The following CDK14 variants were observed in gnomAD, a reference collection of about 807,000 sequenced individuals.
The protein encoded by CDK14 is cyclin dependent kinase 14, also known as cyclin-dependent kinase 14.
Under a neutral mutation model 60.7 loss-of-function variants are expected in CDK14, and 34 were observed. The ratio of observed to expected loss-of-function variants is 0.56; its 90% CI spans 0.43 to 0.75. The LOEUF is 0.75. Among genes scored for constraint, CDK14 ranks in the 30% least tolerant of loss-of-function variants. The pLI, the probability that CDK14 is intolerant of heterozygous loss-of-function variation, is 0.00. For missense variants in CDK14, 482 were observed against 564.1 expected (o/e 0.85, Z 1.47); for synonymous variants, 197 against 203.7 (o/e 0.97, Z 0.28).
rs1160562922 is a variant in CDK14, at chr7:90,699,445, A to G, written c.124-27122A>G. ...TGCAGCAACCCTCTTAGGTATAGGA[A>G]CTATTCTAAGTATTCCCATAAGATT... On this transcript the variant is annotated intron_variant, in intron 2 of 14. Coordinates refer to ENST00000380050, the MANE Select transcript of CDK14 (RefSeq NM_001287135.2). 2.0e-5 allele frequency among the ~76,000 whole-genome samples: 3 copies of G among 152,214 alleles called. No homozygotes were observed. In the East Asian group the frequency reaches 5.8e-4, roughly 29 times the overall value.
At chr7:90,830,084 A>G (rs146507304) in intron 5 of CDK14, among the ~76,000 whole-genome samples, 144 of 152,244 alleles carry the variant, frequency 9.5e-4, no homozygotes, top group African/African-American at 3.2e-3. Flanking sequence ...TCACAGCTCC[A>G]CTAGGCAGTG....
intron 14 of CDK14, among the ~76,000 whole-genome samples, chr7:91,140,776 T>C (rs1800432295): frequency 6.6e-6 from 1 of 152,180 alleles, no homozygotes; most frequent in Non-Finnish European, 1.5e-5. Context: ...AGCACAATAC[T>C]TGCTTGCTCC....
intron 2 of CDK14, among the ~76,000 whole-genome samples, chr7:90,711,254 T>G (rs1802049075): frequency 6.6e-6 from 1 of 152,106 alleles, no homozygotes; most frequent in Admixed American, 6.5e-5. Context: ...CTTTAAATGG[T>G]GCAGTGCTTC....
chr7:91,067,514 C>T (rs1798014917), intron 11 of CDK14, among the ~76,000 whole-genome samples: 1 of 152,224 alleles, frequency 6.6e-6, no homozygotes, highest in African/African-American at 2.4e-5. Context: ...TGTATCCATA[C>T]TGTAGCATTT....
intron 12 of CDK14, among the ~76,000 whole-genome samples, chr7:91,084,295 A>C (rs892642580): frequency 6.6e-6 from 1 of 152,164 alleles, no homozygotes; most frequent in African/African-American, 2.4e-5. Context: ...GTCATTCCCC[A>C]TCTAGATTTC....
chr7:91,204,001 G>A (rs1172984071), intron 14 of CDK14, among the ~76,000 whole-genome samples: 2 of 152,278 alleles, frequency 1.3e-5, no homozygotes, highest in Admixed American at 1.3e-4. Context: ...ATTTTTGCTA[G>A]GGTGGTGACT....
chr7:90,750,200 A>C (rs371271420), intron 4 of CDK14, among the ~76,000 whole-genome samples: 2 of 87,552 alleles, frequency 2.3e-5, no homozygotes, highest in Admixed American at 1.1e-4. Flanking sequence ...ACACACACAC[A>C]CCAATAATAT....
chr7:90,879,971 G>A (rs1791692568), intron 6 of CDK14, among the ~76,000 whole-genome samples: 1 of 152,188 alleles, frequency 6.6e-6, no homozygotes, highest in South Asian at 2.1e-4. Context: ...CCACCAATCG[G>A]AAGATCCCAC....
At position 91,112,620 on chromosome 7, in the gene CDK14, G is replaced by C. The variant is rs747804971; in HGVS notation, c.1233G>C (p.Gln411His). The change falls in exon 13 of 15, where the codon CAG (glutamine) becomes CAC (histidine). Residue 411 changes from glutamine (Q) to histidine (H), a missense_variant. Transcript: ENST00000380050. The stretch of plus-strand genomic sequence containing the variant: ...CCCCAAAGAACAGACTGTCGGCACA[G>C]GCTGCCTTGAGCCACGAGTATTTTA... Reference protein sequence around the residue: ...QCSPKNRLSAQAALSHEYFSD... With the variant: ...QCSPKNRLSAHAALSHEYFSD... 1.2e-6 allele frequency: 2 copies of C among 1,613,818 alleles called. No individual in the cohort carries two copies. The highest frequency in any genetic ancestry group is 1.7e-6 in the Non-Finnish European group (2 of 1,179,884).
chr7:90,958,760 T>C (rs1794509036), intron 9 of CDK14, among the ~76,000 whole-genome samples: 1 of 152,198 alleles, frequency 6.6e-6, no homozygotes, highest in South Asian at 2.1e-4. Flanking sequence ...TTTTTGAGTA[T>C]GGAAATTCTA....
chr7:91,045,239 TG>T (rs2116021794), intron 10 of CDK14, among the ~76,000 whole-genome samples: 1 of 152,306 alleles, frequency 6.6e-6, no homozygotes, highest in East Asian at 1.9e-4. Flanking sequence ...CAGTTACATG[TG>T]AGCTGAAATT....
At chr7:90,681,391 T>C (rs933221012) in intron 2 of CDK14, among the ~76,000 whole-genome samples, 3 of 152,170 alleles carry the variant, frequency 2.0e-5, no homozygotes, top group Non-Finnish European at 4.4e-5. Flanking sequence ...TTGGTGGAGG[T>C]GACTCCATTT....
chr7:90,924,580 T>G (rs1402301214), intron 8 of CDK14, among the ~76,000 whole-genome samples: 1 of 152,228 alleles, frequency 6.6e-6, no homozygotes, highest in East Asian at 1.9e-4. Context: ...ACTAAAATCT[T>G]AGATGACAGT....
intron 6 of CDK14, among the ~76,000 whole-genome samples, chr7:90,866,060 A>C (rs1316418079): frequency 6.6e-6 from 1 of 152,186 alleles, no homozygotes; most frequent in Non-Finnish European, 1.5e-5. Flanking sequence ...TCCTAAAAAC[A>C]GTGAAACTGC....
intron 9 of CDK14, among the ~76,000 whole-genome samples, chr7:90,967,894 A>G (rs1794803702): frequency 6.6e-6 from 1 of 152,194 alleles, no homozygotes; most frequent in Admixed American, 6.5e-5. Context: ...TGGAAATGGG[A>G]TTGGAGAGAA....
chr7:91,032,397 T>C (rs1796787021), intron 10 of CDK14, among the ~76,000 whole-genome samples: 1 of 152,200 alleles, frequency 6.6e-6, no homozygotes, highest in African/African-American at 2.4e-5. Flanking sequence ...TAGTAAGTCC[T>C]TACACCTGGA....
intron 5 of CDK14, among the ~76,000 whole-genome samples, chr7:90,806,181 T>A (rs1166071713): frequency 1.3e-5 from 2 of 152,134 alleles, no homozygotes; most frequent in African/African-American, 4.8e-5. Flanking sequence ...AGTTAAAACT[T>A]CTGGAAGGAA....
chr7:91,113,889 C>T (rs1799539485), intron 13 of CDK14, among the ~76,000 whole-genome samples: 1 of 152,048 alleles, frequency 6.6e-6, no homozygotes, highest in South Asian at 2.1e-4. Context: ...TATTAATCTA[C>T]TACTCCCCTT....
chr7:90,839,666 C>T (rs920520933), intron 5 of CDK14, among the ~76,000 whole-genome samples: 3 of 152,178 alleles, frequency 2.0e-5, no homozygotes, highest in African/African-American at 7.2e-5. Context: ...ATTTTTCACA[C>T]TTCTTCCAAA....
Sources: allele counts gnomAD v4.1 joint callset (sites outside exome capture counted in the v4.1 genomes callset), GRCh38; gene constraint gnomAD v4.1.1; transcripts MANE v1.5; gene names NCBI Gene and HGNC (gene_info 2026-07-23, HGNC 2026-07-21).